ARHGAP8: variants seen among roughly 807,000 people sequenced by gnomAD.
ARHGAP8 encodes Rho GTPase activating protein 8.
ARHGAP8 carries 62 observed loss-of-function variants against 46.1 expected under a neutral mutation model. The ratio of observed to expected loss-of-function variants is 1.34; its 90% CI spans 1.10 to 1.66. The LOEUF (loss-of-function observed/expected upper bound fraction) is 1.66, where lower values mean the gene tolerates loss of function less well. ARHGAP8 is among the 40% of genes most tolerant of loss of function. ARHGAP8 has a pLI of 0.00. For missense variants in ARHGAP8, 923 were observed against 568.4 expected (o/e 1.62, Z -6.34); for synonymous variants, 375 against 243.1 (o/e 1.54, Z -5.05).
intron 5 of ARHGAP8, among the ~76,000 whole-genome samples, chr22:44,816,726 G>A (rs1602218565): frequency 6.7e-6 from 1 of 149,116 alleles, no homozygotes; most frequent in East Asian, 2.0e-4. Flanking sequence ...GATTGCTTGA[G>A]TCCAGGACTT....
At chr22:44,779,816 G>C (rs1926712872) in intron 1 of ARHGAP8, among the ~76,000 whole-genome samples, 1 of 152,096 alleles carries the variant, frequency 6.6e-6, no homozygotes, top group South Asian at 2.1e-4. Context: ...TGATCCACCT[G>C]CCTCGGCCTC....
chr22:44,841,684 A>T (rs1476079748), intron 7 of ARHGAP8, among the ~76,000 whole-genome samples: 2 of 152,206 alleles, frequency 1.3e-5, no homozygotes, highest in African/African-American at 4.8e-5. Flanking sequence ...GCCCACCTCC[A>T]TGTACCTGCA....
At position 44,862,512 on chromosome 22, in the gene ARHGAP8, G is replaced by C. The variant is rs752627982; in HGVS notation, c.1219G>C (p.Ala407Pro). The change falls in exon 12 of 12, where the codon GCT (alanine) becomes CCT (proline). Residue 407 changes from alanine (A) to proline (P), a missense_variant. Coordinates refer to ENST00000356099, the MANE Select transcript of ARHGAP8 (RefSeq NM_181335.3). ...GAGCAGGGCAGCCCCTTTGCAGGAG[G>C]CTGTGCCACGGACACAAGCCACGGG... The part of the protein sequence containing the change: ...QGSRAAPLQE[A>P]VPRTQATGLT... 1 of 1,612,732 alleles carries C rather than the reference G, an allele frequency of 6.2e-7. No individual in the cohort carries two copies. The highest frequency in any genetic ancestry group is 1.3e-5 in the African/African-American group (1 of 74,878).
chr22:44,780,444 T>C (rs1926760635), intron 1 of ARHGAP8, among the ~76,000 whole-genome samples: 1 of 152,134 alleles, frequency 6.6e-6, no homozygotes, highest in African/African-American at 2.4e-5. Flanking sequence ...GTGGACCATC[T>C]GAGGTCAGGA....
At chr22:44,753,103 C>A (rs34218438) in intron 1 of ARHGAP8, among the ~76,000 whole-genome samples, 22,956 of 151,972 alleles carry the variant, frequency 0.15, 1,759 homozygotes, top group Middle Eastern at 0.18. Context: ...TGAGGTCATT[C>A]CCGTTTCATA....
At chr22:44,858,373 T>G (rs1421704587) in intron 10 of ARHGAP8, among the ~76,000 whole-genome samples, 1 of 148,358 alleles carries the variant, frequency 6.7e-6, no homozygotes, top group Non-Finnish European at 1.5e-5. Context: ...GTGGTGGTTT[T>G]TTTTTTTTTT....
intron 1 of ARHGAP8, among the ~76,000 whole-genome samples, chr22:44,778,713 G>A (rs1001326160): frequency 6.6e-6 from 1 of 151,998 alleles, no homozygotes; most frequent in African/African-American, 2.4e-5. Flanking sequence ...TTTTGATTAT[G>A]GCCATTCTTC....
chr22:44,838,098 C>T (rs1216656635), intron 7 of ARHGAP8, among the ~76,000 whole-genome samples: 2 of 151,790 alleles, frequency 1.3e-5, no homozygotes, highest in African/African-American at 2.4e-5. Context: ...CTCAGCATCC[C>T]AAGTAGCTGA....
In ARHGAP8 at chr22:44,754,686, C is replaced by T. The variant is rs118013257; in HGVS notation, c.-72+2059C>T. ...GGCCGAGTCATTGAAACTTACTTGA[C>T]TTAAACATGCCTGGGACATCATGCC... On this transcript the variant is annotated intron_variant, in intron 1 of 11. Transcript: ENST00000356099. Among the ~76,000 whole-genome samples the T allele has an allele frequency of 8.4e-3, 1,283 of 152,228 alleles. 12 individuals carry two copies. The highest frequency in any genetic ancestry group is 0.055 in the East Asian group (282 of 5,168).
intron 1 of ARHGAP8, among the ~76,000 whole-genome samples, chr22:44,781,452 C>T (rs1926841024): frequency 1.3e-5 from 2 of 152,126 alleles, no homozygotes; most frequent in South Asian, 2.1e-4. Flanking sequence ...GTTTCCTTAC[C>T]ATAGTGCTTC....
chr22:44,798,030 G>A (rs773635148), intron 2 of ARHGAP8, among the ~76,000 whole-genome samples: 5 of 145,068 alleles, frequency 3.4e-5, no homozygotes, highest in Non-Finnish European at 7.5e-5. Flanking sequence ...AGGCTAGAGT[G>A]CATTGGTGTG....
chr22:44,826,580 A>G lies in ARHGAP8; in HGVS notation c.596+987A>G, dbSNP rs558968066. On this transcript the variant is annotated intron_variant, in intron 7 of 11. Coordinates refer to ENST00000356099, the MANE Select transcript of ARHGAP8 (RefSeq NM_181335.3). ...GCTGGGATTACAGGCGCACACCACC[A>G]CGCCTGGCTAATTTTTTTGTATTTT... is the stretch of plus-strand genomic sequence containing the variant. Among the ~76,000 whole-genome samples, 106 of 152,090 alleles carry G rather than the reference A, an allele frequency of 7.0e-4. 2 individuals carry two copies. In the South Asian group the frequency reaches 0.02, roughly 29 times the overall value.
At chr22:44,794,942 G>A (rs1409887891) in intron 2 of ARHGAP8, among the ~76,000 whole-genome samples, 1 of 151,010 alleles carries the variant, frequency 6.6e-6, no homozygotes, top group Non-Finnish European at 1.5e-5. Context: ...TTGGGAGGCT[G>A]AGAAGGGAGG....
chr22:44,857,107 A>T (rs1195007351), intron 10 of ARHGAP8, among the ~76,000 whole-genome samples: 2 of 143,128 alleles, frequency 1.4e-5, no homozygotes, highest in Non-Finnish European at 3.0e-5. Flanking sequence ...CACCCGGCTA[A>T]TTTTGTATTT....
intron 1 of ARHGAP8, among the ~76,000 whole-genome samples, chr22:44,753,953 G>A (rs1924459938): frequency 6.6e-6 from 1 of 152,170 alleles, no homozygotes; most frequent in Admixed American, 6.5e-5. Context: ...GCAGCTTTAG[G>A]ATCATGTTTG....
At chr22:44,770,223 A>C (rs1925896515) in intron 1 of ARHGAP8, among the ~76,000 whole-genome samples, 1 of 152,016 alleles carries the variant, frequency 6.6e-6, no homozygotes, top group African/African-American at 2.4e-5. Context: ...CAGCCTGGGC[A>C]ACAGAGCGAG....
At chr22:44,796,275 C>G (rs559698603) in intron 2 of ARHGAP8, among the ~76,000 whole-genome samples, 7 of 152,288 alleles carry the variant, frequency 4.6e-5, no homozygotes. Context: ...TGCTGGAGAC[C>G]GGCCTCTGCT....
chr22:44,820,174 G>A (rs1930028694), intron 5 of ARHGAP8, among the ~76,000 whole-genome samples: 1 of 152,266 alleles, frequency 6.6e-6, no homozygotes, highest in Non-Finnish European at 1.5e-5. Context: ...CGCACGCCGT[G>A]TTGGGAGCCC....
intron 10 of ARHGAP8, among the ~76,000 whole-genome samples, chr22:44,851,239 C>A (rs1157331460): frequency 6.6e-6 from 1 of 152,110 alleles, no homozygotes; most frequent in Non-Finnish European, 1.5e-5. Context: ...TTAAGCAACC[C>A]TCTGTTGGGA....
Sources: allele counts gnomAD v4.1 joint callset (sites outside exome capture counted in the v4.1 genomes callset), GRCh38; gene constraint gnomAD v4.1.1; transcripts MANE v1.5; gene names NCBI Gene and HGNC (gene_info 2026-07-23, HGNC 2026-07-21).